Variants in DCPS observed in about 807,000 individuals in gnomAD.
DCPS encodes m7GpppX diphosphatase.
In DCPS, 27 loss-of-function variants were observed where a neutral mutation model predicts 34.7. The ratio of observed to expected loss-of-function variants is 0.78; its 90% CI spans 0.57 to 1.07. DCPS has a LOEUF of 1.07. Among genes scored for constraint, DCPS ranks in the 50% least tolerant of loss-of-function variants. The pLI, the probability that DCPS is intolerant of heterozygous loss-of-function variation, is 0.00. For synonymous variants in DCPS, 185 were observed against 185.7 expected (o/e 1.00, Z 0.03); for missense variants, 464 against 436.9 (o/e 1.06, Z -0.55).
rs1437358611 is a variant in DCPS at position 126,338,047 on chromosome 11, C to T, written c.523-239C>T. 1.9e-6 allele frequency: 1 copy of T among 537,356 alleles called. No individual in the cohort carries two copies. Among genetic ancestry groups the T allele is most frequent in the East Asian group, 3.3e-5 (1 of 30,338 alleles). 33.3% of individuals were successfully genotyped at this position (537,356 alleles called of 1,614,324 possible). ...TGGCCCCTTCCAAGCTGCAGAGACC[C>T]TTGTGATGACGCATGGCTGAGTGCC... On this transcript the variant is annotated intron_variant, in intron 3 of 5. Transcript: ENST00000263579. This position sits in a 1 kb window ranked among gnomAD's most constrained non-coding sequence, Gnocchi z 5.4.
At position 126,346,996 on chromosome 11, in the gene DCPS, A is replaced by C. The variant is rs1056586746; in HGVS notation, c.*1383A>C. On this transcript the variant is annotated 3_prime_UTR_variant, in exon 6 of 6. Coordinates refer to ENST00000263579, the MANE Select transcript of DCPS (RefSeq NM_014026.6). The surrounding 1 kb of genome is among the most constrained non-coding windows in gnomAD (Gnocchi z 4.1). Reference sequence around the variant, plus strand: ...TCCCACCTACTTGGGAGGCTGAAGCAGGAGAATCCCTTGAACCCGGGAGGC... The same window carrying C: ...TCCCACCTACTTGGGAGGCTGAAGCCGGAGAATCCCTTGAACCCGGGAGGC... Among the ~76,000 whole-genome samples the C allele has an allele frequency of 6.6e-6, 1 of 151,968 alleles. No homozygotes were observed. The highest frequency in any genetic ancestry group is 1.5e-5 in the Non-Finnish European group (1 of 67,990).
In DCPS at chr11:126,335,444, C is replaced by CA. The variant is rs1555075697; in HGVS notation, c.523-2842_523-2841insA. On this transcript the variant is annotated intron_variant, in intron 3 of 5. Coordinates refer to ENST00000263579, the MANE Select transcript of DCPS (RefSeq NM_014026.6). This position sits in a 1 kb window ranked among gnomAD's most constrained non-coding sequence, Gnocchi z 4.8. ...GTGTGAATTTTGTTCTTTCATTCTC[C>CA]TTTTTTTTTATCTGGGCCCCTGGCC... 6.6e-6 allele frequency among the ~76,000 whole-genome samples: 1 copy of CA among 151,648 alleles called. No individual in the cohort carries two copies. Among genetic ancestry groups the CA allele is most frequent in the African/African-American group, 2.4e-5 (1 of 41,258 alleles).
intron 2 of DCPS, among the ~76,000 whole-genome samples, chr11:126,310,950 G>C (rs546609384): frequency 8.5e-5 from 13 of 152,276 alleles, no homozygotes; most frequent in African/African-American, 3.1e-4. Context: ...TCATTTCTGA[G>C]CTGGCCACAG....
chr11:126,324,629 CTTTTTTTTTT>C lies in DCPS; in HGVS notation c.377-6759_377-6750del, dbSNP rs58091804. On this transcript the variant is annotated intron_variant, in intron 2 of 5. Coordinates refer to ENST00000263579, the MANE Select transcript of DCPS (RefSeq NM_014026.6). ...CACCATGCCTAGCTAATTTTTCTGC[CTTTTTTTTTT>C]TTTTTTTTTTTTTTTTGGTAAAGAC... Among the ~76,000 whole-genome samples the C allele has an allele frequency of 0.057, 5,704 of 99,984 alleles. 840 individuals carry two copies. In the East Asian group the frequency reaches 0.6, roughly 11 times the overall value. 65.6% of individuals were successfully genotyped at this position (99,984 alleles called of 152,430 possible).
chr11:126,315,252 T>TA lies in DCPS; in HGVS notation c.376+8516dup, dbSNP rs1383201790. Among the ~76,000 whole-genome samples, 1 of 151,630 alleles carries TA rather than the reference T, an allele frequency of 6.6e-6. No homozygotes were observed. The highest frequency in any genetic ancestry group is 1.5e-5 in the Non-Finnish European group (1 of 67,924). Reference sequence around the variant, plus strand: ...GTACCCTTTAACCTAAAATAAGAATTAAAAAAAATAAAAAGAATATTTCTG... The same window carrying TA: ...GTACCCTTTAACCTAAAATAAGAATTAAAAAAAAATAAAAAGAATATTTCTG... On this transcript the variant is annotated intron_variant, in intron 2 of 5. Coordinates refer to ENST00000263579, the MANE Select transcript of DCPS (RefSeq NM_014026.6). This position sits in a 1 kb window ranked among gnomAD's most constrained non-coding sequence, Gnocchi z 6.1.
At position 126,322,629 on chromosome 11, in the gene DCPS, C is replaced by T. The variant is rs659456; in HGVS notation, c.377-8776C>T. On this transcript the variant is annotated intron_variant, in intron 2 of 5. Transcript: ENST00000263579. The surrounding 1 kb of genome is among the most constrained non-coding windows in gnomAD (Gnocchi z 4.2). ...TTTTTTTTGAGACGAAGTCTCACTG[C>T]GTTGCCAGGCTGGAGTGCAGTGGCA... is the stretch of plus-strand genomic sequence containing the variant. 0.83 allele frequency among the ~76,000 whole-genome samples: 124,430 copies of T among 150,284 alleles called. 51,959 individuals carry two copies. Among genetic ancestry groups the T allele is most frequent in the East Asian group, 1 (5,053 of 5,060 alleles).
Position 126,304,140 on chromosome 11 carries a change from C to T in DCPS, c.60C>T (p.Ala20=), listed in dbSNP as rs1466330219. ...AGCGCGAATTGGACGTGGAGGAGGC[C>T]CACGCCGCCAGCACAGAGGAAAAGG... ...KRKRELDVEE[A]HAASTEEKEA... Residue 20 remains alanine, a synonymous_variant, in exon 1 of 6, where the codon GCC becomes GCT. Coordinates refer to ENST00000263579, the MANE Select transcript of DCPS (RefSeq NM_014026.6). 15 of 1,614,148 alleles carry T rather than the reference C, an allele frequency of 9.3e-6. No individual in the cohort carries two copies. Among genetic ancestry groups the T allele is most frequent in the Non-Finnish European group, 1.2e-5 (14 of 1,180,012 alleles).
chr11:126,307,350 AGAG>A (rs1796100642), intron 2 of DCPS, among the ~76,000 whole-genome samples: 1 of 151,326 alleles, frequency 6.6e-6, no homozygotes, highest in South Asian at 2.1e-4. Context: ...AAAAAAAAAA[AGAG>A]AAACCTTGTT....
In DCPS at chr11:126,304,101, A is replaced by G. The variant is rs1951541983; in HGVS notation, c.21A>G (p.Gln7=). The change falls in exon 1 of 6, where the codon CAA becomes CAG. Residue 7 remains glutamine, a synonymous_variant. Transcript: ENST00000263579. ...GCAGCATGGCGGACGCAGCTCCTCAACTAGGCAAGAGGAAGCGCGAATTGG... is the reference window on the plus strand; with the variant it reads ...GCAGCATGGCGGACGCAGCTCCTCAGCTAGGCAAGAGGAAGCGCGAATTGG... The part of the protein sequence containing the change: MADAAP[Q]LGKRKRELDV... 4 of 1,610,932 alleles carry G rather than the reference A, an allele frequency of 2.5e-6. No homozygotes were observed. The highest frequency in any genetic ancestry group is 1.1e-5 in the South Asian group (1 of 90,702).
rs1158848181 is a variant in DCPS, at chr11:126,322,528, G to A, written c.377-8877G>A. Among the ~76,000 whole-genome samples, 4 of 151,748 alleles carry A rather than the reference G, an allele frequency of 2.6e-5. No individual in the cohort carries two copies. Among genetic ancestry groups the A allele is most frequent in the Admixed American group, 6.6e-5 (1 of 15,210 alleles). ...ATCTGCCTGCCTGAACCTCCGAAAG[G>A]GCTGGGATTACAGGTGTTAGCCACT... On this transcript the variant is annotated intron_variant, in intron 2 of 5. Transcript: ENST00000263579. This position sits in a 1 kb window ranked among gnomAD's most constrained non-coding sequence, Gnocchi z 4.2.
In DCPS at chr11:126,333,219, AC is replaced by A. The variant is rs1257174055; in HGVS notation, c.522+1670del. Among the ~76,000 whole-genome samples the A allele has an allele frequency of 2.6e-5, 4 of 151,962 alleles. No homozygotes were observed. In the East Asian group the frequency reaches 7.7e-4, roughly 29 times the overall value. On this transcript the variant is annotated intron_variant, in intron 3 of 5. Coordinates refer to ENST00000263579, the MANE Select transcript of DCPS (RefSeq NM_014026.6). This position sits in a 1 kb window ranked among gnomAD's most constrained non-coding sequence, Gnocchi z 5.7. ...CAATGAAAACTCCACTACTCTTCCA[AC>A]TCCTGACTGACGGGAGCCGTTCATG...
chr11:126,321,510 C>G (rs142709591), intron 2 of DCPS, among the ~76,000 whole-genome samples: 3 of 152,112 alleles, frequency 2.0e-5, no homozygotes, highest in South Asian at 4.1e-4. Context: ...CTGCCCAGCC[C>G]GAGAGAAAAC....
Position 126,304,071 on chromosome 11 carries a change from C to T in DCPS, c.-10C>T. Reference sequence around the variant, plus strand: ...CAGGGGGCGCAGGCGCACACCGCCTCCGCGGCAGCATGGCGGACGCAGCTC... The same window carrying T: ...CAGGGGGCGCAGGCGCACACCGCCTTCGCGGCAGCATGGCGGACGCAGCTC... On this transcript the variant is annotated 5_prime_UTR_variant, in exon 1 of 6. Coordinates refer to ENST00000263579, the MANE Select transcript of DCPS (RefSeq NM_014026.6). 2 of 1,584,800 alleles carry T rather than the reference C, an allele frequency of 1.3e-6. No individual in the cohort carries two copies. The highest frequency in any genetic ancestry group is 1.7e-6 in the Non-Finnish European group (2 of 1,165,478).
Position 126,338,451 on chromosome 11 carries a change from G to A in DCPS, c.636+52G>A, listed in dbSNP as rs1951852117. ...GATCTCTGGCCACCCTGCTGTAAGT[G>A]CTGGTCCTTCTGACTGCCCTCTTTC... On this transcript the variant is annotated intron_variant, in intron 4 of 5. Coordinates refer to ENST00000263579, the MANE Select transcript of DCPS (RefSeq NM_014026.6). This position sits in a 1 kb window ranked among gnomAD's most constrained non-coding sequence, Gnocchi z 5.4. 6.5e-7 allele frequency: 1 copy of A among 1,536,230 alleles called. No homozygotes were observed. Among genetic ancestry groups the A allele is most frequent in the Non-Finnish European group, 9.0e-7 (1 of 1,109,386 alleles).
intron 4 of DCPS, 140 bp from the exon 5 acceptor site, chr11:126,343,167 T>G: frequency 1.5e-6 from 1 of 664,570 alleles, no homozygotes; most frequent in Admixed American, 2.2e-5. Context: ...GCCCGGGGTA[T>G]GCAGATGCCC....
At chr11:126,309,378 C>T (rs1951602201) in intron 2 of DCPS, among the ~76,000 whole-genome samples, 1 of 152,112 alleles carries the variant, frequency 6.6e-6, no homozygotes, top group African/African-American at 2.4e-5. Context: ...CCAGGACTCT[C>T]CTTGGATACT....
At position 126,307,844 on chromosome 11, in the gene DCPS, G is replaced by A. The variant is rs1017968782; in HGVS notation, c.376+1100G>A. Among the ~76,000 whole-genome samples the A allele has an allele frequency of 3.3e-5, 5 of 152,194 alleles. No individual in the cohort carries two copies. The South Asian group carries it at 1.0e-3, about 31-fold the overall frequency. On this transcript the variant is annotated intron_variant, in intron 2 of 5. Transcript: ENST00000263579. The stretch of plus-strand genomic sequence containing the variant: ...TTGTAAGGAGGACTTTACGAATGAG[G>A]AAACCGGTTTTTGAAAGGTTAAATA...
rs921373452 is a variant in DCPS at position 126,348,596 on chromosome 11, T to C, written c.*2983T>C. On this transcript the variant is annotated 3_prime_UTR_variant, in exon 6 of 6. Coordinates refer to ENST00000263579, the MANE Select transcript of DCPS (RefSeq NM_014026.6). The surrounding 1 kb of genome is among the most constrained non-coding windows in gnomAD (Gnocchi z 5.3). ...CTGCTCTGCCAAGTCCTGTTGAGAC[T>C]CCAAAAGCATAGTCTGTCTTTATTA... Among the ~76,000 whole-genome samples the C allele has an allele frequency of 6.6e-6, 1 of 152,234 alleles. No homozygotes were observed. The highest frequency in any genetic ancestry group is 1.5e-5 in the Non-Finnish European group (1 of 68,036).
In DCPS at chr11:126,332,587, G is replaced by T. The variant is rs1250497738; in HGVS notation, c.522+1037G>T. ...AGAAGGGAGGGTACGCTGTGTGTGT[G>T]GGCACTGCAAGGTGAATTGTACTTG... On this transcript the variant is annotated intron_variant, in intron 3 of 5. Coordinates refer to ENST00000263579, the MANE Select transcript of DCPS (RefSeq NM_014026.6). This position sits in a 1 kb window ranked among gnomAD's most constrained non-coding sequence, Gnocchi z 5.4. Among the ~76,000 whole-genome samples the T allele has an allele frequency of 6.6e-6, 1 of 152,224 alleles. No homozygotes were observed. Among genetic ancestry groups the T allele is most frequent in the Non-Finnish European group, 1.5e-5 (1 of 68,048 alleles).
Sources: allele counts gnomAD v4.1 joint callset (sites outside exome capture counted in the v4.1 genomes callset), GRCh38; gene constraint gnomAD v4.1.1; non-coding constraint Gnocchi (gnomAD v3.1); transcripts MANE v1.5; gene names NCBI Gene and HGNC (gene_info 2026-07-23, HGNC 2026-07-21).